The following NXPH2 variants were observed in gnomAD, a reference collection of about 807,000 sequenced individuals.
The protein encoded by NXPH2 is neurexophilin 2, also known as neurexophilin-2.
Under a neutral mutation model 19.8 loss-of-function variants are expected in NXPH2, and 5 were observed. The observed-to-expected ratio is 0.25, with a 90% CI of 0.13 to 0.53. The LOEUF (loss-of-function observed/expected upper bound fraction) is 0.53. Ranked by LOEUF, NXPH2 falls within the 20% of genes least tolerant of loss-of-function variation. NXPH2 has a pLI of 0.96. For missense variants in NXPH2, 289 were observed against 322.8 expected (o/e 0.90, Z 0.80); for synonymous variants, 154 against 127.4 (o/e 1.21, Z -1.41).
intron 1 of NXPH2, among the ~76,000 whole-genome samples, chr2:138,737,518 C>T (rs1300852971): frequency 1.3e-5 from 2 of 152,148 alleles, no homozygotes; most frequent in African/African-American, 2.4e-5. Flanking sequence ...CAATTCAAGA[C>T]GAGGTTTGGG....
intron 1 of NXPH2, among the ~76,000 whole-genome samples, chr2:138,754,681 T>G (rs924008491): frequency 1.3e-5 from 2 of 152,164 alleles, no homozygotes; most frequent in Admixed American, 6.6e-5. Context: ...GGAAATAAGT[T>G]TTCAAACCTA....
At chr2:138,724,683 G>A (rs756585368) in intron 1 of NXPH2, among the ~76,000 whole-genome samples, 5 of 152,188 alleles carry the variant, frequency 3.3e-5, no homozygotes, top group Non-Finnish European at 7.3e-5. Context: ...CAAAGGAGAT[G>A]TGGCGAAACA....
chr2:138,718,547 G>T lies in NXPH2; in HGVS notation c.52-46882C>A, dbSNP rs182584194. On this transcript the variant is annotated intron_variant, in intron 1 of 1. Transcript: ENST00000272641. ...CTCTCCAAAAACATTACTCAAAAAG[G>T]CTGTCCAGCAGAACAACTGAGAAAG... Among the ~76,000 whole-genome samples, 577 of 152,178 alleles carry T rather than the reference G, an allele frequency of 3.8e-3. 3 individuals carry two copies. The highest frequency in any genetic ancestry group is 0.013 in the African/African-American group (528 of 41,528).
intron 1 of NXPH2, among the ~76,000 whole-genome samples, chr2:138,762,177 C>G (rs1269861798): frequency 6.6e-6 from 1 of 152,088 alleles, no homozygotes; most frequent in African/African-American, 2.4e-5. Flanking sequence ...GATGAGAGGT[C>G]AAAATACACT....
At chr2:138,671,719 A>C in intron 1 of NXPH2, 54 bp from the exon 2 acceptor site, 1 of 1,486,436 alleles carries the variant, frequency 6.7e-7, no homozygotes, top group Non-Finnish European at 9.0e-7. Flanking sequence ...GTGACTGCGC[A>C]CTCAAACTGA....
intron 1 of NXPH2, among the ~76,000 whole-genome samples, chr2:138,690,153 C>A (rs1226008160): frequency 1.3e-5 from 2 of 152,230 alleles, no homozygotes; most frequent in Non-Finnish European, 2.9e-5. Context: ...ACCTATGCGT[C>A]TCTGTCCGCC....
chr2:138,736,768 C>G (rs1172310496), intron 1 of NXPH2, among the ~76,000 whole-genome samples: 1 of 152,234 alleles, frequency 6.6e-6, no homozygotes, highest in East Asian at 1.9e-4. Flanking sequence ...CCTTTTAAAA[C>G]TGAATCCTTT....
intron 1 of NXPH2, among the ~76,000 whole-genome samples, chr2:138,695,189 A>G (rs1020658769): frequency 2.0e-5 from 3 of 152,196 alleles, no homozygotes; most frequent in African/African-American, 7.2e-5. Context: ...AGGAAATCCA[A>G]GAATACCAAG....
intron 1 of NXPH2, among the ~76,000 whole-genome samples, chr2:138,693,477 A>G (rs1680773761): frequency 6.6e-6 from 1 of 152,168 alleles, no homozygotes; most frequent in South Asian, 2.1e-4. Context: ...AGAACCCACA[A>G]GTCTGATTGC....
chr2:138,733,301 G>A (rs976639020), intron 1 of NXPH2, among the ~76,000 whole-genome samples: 1 of 152,192 alleles, frequency 6.6e-6, no homozygotes, highest in Admixed American at 6.5e-5. Flanking sequence ...TTTGTTAACT[G>A]AGAGTAACTC....
At chr2:138,704,577 A>T (rs1680980342) in intron 1 of NXPH2, among the ~76,000 whole-genome samples, 1 of 152,168 alleles carries the variant, frequency 6.6e-6, no homozygotes, top group African/African-American at 2.4e-5. Flanking sequence ...AATCAGAAGG[A>T]GGGGAACTGG....
chr2:138,751,817 C>T (rs1681834194), intron 1 of NXPH2, among the ~76,000 whole-genome samples: 1 of 151,932 alleles, frequency 6.6e-6, no homozygotes, highest in Non-Finnish European at 1.5e-5. Flanking sequence ...TCCAGGGTGT[C>T]TTCAATTCTT....
intron 1 of NXPH2, among the ~76,000 whole-genome samples, chr2:138,725,828 G>T (rs1470113293): frequency 1.3e-5 from 2 of 152,138 alleles, no homozygotes; most frequent in Non-Finnish European, 2.9e-5. Flanking sequence ...TGTATGTAAA[G>T]AATTTTCAAA....
In NXPH2 at chr2:138,670,900, C is replaced by T; in HGVS notation, c.*22G>A. 5.0e-6 allele frequency: 8 copies of T among 1,599,646 alleles called. No individual in the cohort carries two copies. Among genetic ancestry groups the T allele is most frequent in the Non-Finnish European group, 6.8e-6 (8 of 1,172,074 alleles). On this transcript the variant is annotated 3_prime_UTR_variant, in exon 2 of 2. Transcript: ENST00000272641. ...TCTAATCAAATACATATGTATCCCT[C>T]ATTTCCACCACAGCAGGAAGATCAG...
chr2:138,756,062 A>G (rs1314442668), intron 1 of NXPH2, among the ~76,000 whole-genome samples: 7 of 151,838 alleles, frequency 4.6e-5, no homozygotes, highest in African/African-American at 1.7e-4. Flanking sequence ...AGGAGTTTTT[A>G]TTGTTCTTTG....
intron 1 of NXPH2, among the ~76,000 whole-genome samples, chr2:138,731,758 A>G (rs1320113513): frequency 6.6e-6 from 1 of 152,064 alleles, no homozygotes. Context: ...ATTCATTTAT[A>G]TAGCAAGTAG....
intron 1 of NXPH2, among the ~76,000 whole-genome samples, chr2:138,689,505 G>A (rs949754493): frequency 1.3e-5 from 2 of 152,294 alleles, no homozygotes; most frequent in Non-Finnish European, 2.9e-5. Flanking sequence ...AAATTGCCAA[G>A]GAGGGAGCAA....
chr2:138,700,717 C>G (rs921566331), intron 1 of NXPH2, among the ~76,000 whole-genome samples: 1 of 152,030 alleles, frequency 6.6e-6, no homozygotes, highest in Non-Finnish European at 1.5e-5. Context: ...GACCATCCGT[C>G]TGTTGGACTT....
At chr2:138,770,638 C>A (rs1682162369) in intron 1 of NXPH2, among the ~76,000 whole-genome samples, 1 of 151,784 alleles carries the variant, frequency 6.6e-6, no homozygotes, top group African/African-American at 2.4e-5. Flanking sequence ...AGAACAGATA[C>A]AAACATAAAC....
Sources: allele counts gnomAD v4.1 joint callset (sites outside exome capture counted in the v4.1 genomes callset), GRCh38; gene constraint gnomAD v4.1.1; transcripts MANE v1.5; gene names NCBI Gene and HGNC (gene_info 2026-07-23, HGNC 2026-07-21).